NRXN3: variants seen among roughly 807,000 people sequenced by gnomAD.
The protein encoded by NRXN3 is neurexin 3, also known as neurexin III.
NRXN3 carries 32 observed loss-of-function variants against 137.6 expected under a neutral mutation model. That is an observed-to-expected ratio of 0.23 (90% confidence interval 0.18 to 0.31). NRXN3 has a LOEUF of 0.31. Ranked by LOEUF, NRXN3 falls within the 10% of genes least tolerant of loss-of-function variation. The pLI, the probability that NRXN3 is intolerant of heterozygous loss-of-function variation, is 1.00. For synonymous variants in NRXN3, 798 were observed against 784.5 expected (o/e 1.02, Z -0.29); for missense variants, 1,574 against 2,062.5 (o/e 0.76, Z 4.59).
intron 16 of NRXN3, among the ~76,000 whole-genome samples, chr14:79,577,127 T>C (rs2097672518): frequency 1.3e-5 from 2 of 152,302 alleles, no homozygotes; most frequent in East Asian, 3.9e-4. Flanking sequence ...CTATCTTGCC[T>C]GCTGCCATGA....
chr14:78,924,687 G>A (rs999013048), intron 10 of NRXN3, among the ~76,000 whole-genome samples: 12 of 152,116 alleles, frequency 7.9e-5, no homozygotes, highest in African/African-American at 2.4e-4. Flanking sequence ...AAGTAAAGCA[G>A]TAAAATACGT....
At chr14:79,716,675 G>A (rs960518095) in intron 19 of NRXN3, among the ~76,000 whole-genome samples, 1 of 152,072 alleles carries the variant, frequency 6.6e-6, no homozygotes, top group South Asian at 2.1e-4. Context: ...TGAACCAGAA[G>A]CTGGAGATAA....
At chr14:79,517,299 A>T (rs2097001578) in intron 16 of NRXN3, among the ~76,000 whole-genome samples, 1 of 152,066 alleles carries the variant, frequency 6.6e-6, no homozygotes, top group Non-Finnish European at 1.5e-5. Context: ...TTCTATTGAT[A>T]TTTTTTGACC....
intron 4 of NRXN3, among the ~76,000 whole-genome samples, chr14:78,444,180 T>C (rs576280867): frequency 6.6e-6 from 1 of 152,348 alleles, no homozygotes; most frequent in South Asian, 2.1e-4. Flanking sequence ...ATATAAGCCA[T>C]GTCCTTCCCT....
intron 2 of NRXN3, among the ~76,000 whole-genome samples, chr14:78,256,133 G>T (rs2069546959): frequency 6.6e-6 from 1 of 152,044 alleles, no homozygotes; most frequent in African/African-American, 2.4e-5. Context: ...ATTATAGGCA[G>T]TAGCCAGCCT....
intron 19 of NRXN3, among the ~76,000 whole-genome samples, chr14:79,802,078 G>C (rs942664840): frequency 4.0e-5 from 6 of 151,214 alleles, no homozygotes; most frequent in Admixed American, 6.6e-5. Context: ...TCTTCTTTTG[G>C]CCCATGCAAA....
intron 4 of NRXN3, among the ~76,000 whole-genome samples, chr14:78,406,222 G>T (rs117527407): frequency 0.014 from 2,167 of 152,326 alleles, 28 homozygotes; most frequent in South Asian, 0.031. Flanking sequence ...AAACAGCAAG[G>T]GGGTGGTTAT....
intron 15 of NRXN3, among the ~76,000 whole-genome samples, chr14:79,097,013 AT>A (rs75520562): frequency 0.015 from 2,210 of 143,186 alleles, 28 homozygotes; most frequent in African/African-American, 0.04. Context: ...GGCCAAAATG[AT>A]TTTTTTTTTT....
At chr14:78,456,801 C>CTTTCTTTCTTTA (rs1484889865) in intron 4 of NRXN3, among the ~76,000 whole-genome samples, 3 of 84,182 alleles carry the variant, frequency 3.6e-5, no homozygotes, top group South Asian at 4.5e-4. Context: ...CTCTTTCTCT[C>CTTTCTTTCTTTA]TTTCTTTCTT....
chr14:79,658,964 C>G (rs1307254188), intron 16 of NRXN3, among the ~76,000 whole-genome samples: 1 of 152,172 alleles, frequency 6.6e-6, no homozygotes, highest in African/African-American at 2.4e-5. Flanking sequence ...TCAGTGACAT[C>G]TTTATTCCTG....
At chr14:79,109,075 C>A (rs2053000664) in intron 15 of NRXN3, among the ~76,000 whole-genome samples, 2 of 152,214 alleles carry the variant, frequency 1.3e-5, no homozygotes, top group South Asian at 4.2e-4. Flanking sequence ...AGACGTTATT[C>A]TTTTAAGTAA....
intron 4 of NRXN3, among the ~76,000 whole-genome samples, chr14:78,437,968 G>A (rs1448844614): frequency 1.3e-5 from 2 of 152,118 alleles, no homozygotes; most frequent in East Asian, 1.9e-4. Context: ...GATCTTTCTG[G>A]TGGCTGGTGT....
At chr14:78,745,759 G>C (rs981118769) in intron 8 of NRXN3, among the ~76,000 whole-genome samples, 4 of 152,116 alleles carry the variant, frequency 2.6e-5, no homozygotes, top group African/African-American at 9.7e-5. Flanking sequence ...CATCTCAATA[G>C]TTGATCCTCT....
intron 15 of NRXN3, among the ~76,000 whole-genome samples, chr14:79,241,966 C>T (rs2074375534): frequency 6.6e-6 from 1 of 151,898 alleles, no homozygotes. Flanking sequence ...ATTCGGGAGG[C>T]TGAGGCAGGA....
chr14:78,583,240 T>C (rs2152371471), intron 4 of NRXN3, among the ~76,000 whole-genome samples: 1 of 152,262 alleles, frequency 6.6e-6, no homozygotes, highest in East Asian at 1.9e-4. Context: ...GACTTTTTCT[T>C]CCTAAATTTT....
In NRXN3 at chr14:79,582,025, C is replaced by G. The variant is rs780777626; in HGVS notation, c.3445-81753C>G. On this transcript the variant is annotated intron_variant, in intron 16 of 20. Coordinates refer to ENST00000335750, the MANE Select transcript of NRXN3 (RefSeq NM_001330195.2). ...TCAATCAGCCTTGGCCTCCCAGGCT[C>G]GTGATTCACCTGCCTCAGCCTTCCC... is the stretch of plus-strand genomic sequence containing the variant. 2.6e-5 allele frequency among the ~76,000 whole-genome samples: 4 copies of G among 152,246 alleles called. No homozygotes were observed. In the South Asian group the frequency reaches 6.2e-4, roughly 24 times the overall value.
chr14:79,378,727 G>A (rs1387539981), intron 15 of NRXN3, among the ~76,000 whole-genome samples: 1 of 152,042 alleles, frequency 6.6e-6, no homozygotes, highest in Non-Finnish European at 1.5e-5. Context: ...ACCTTAATAA[G>A]CATTTAATCA....
chr14:79,036,592 GGTTTTT>G (rs1383012067), intron 15 of NRXN3, among the ~76,000 whole-genome samples: 1 of 105,214 alleles, frequency 9.5e-6, no homozygotes, highest in South Asian at 3.3e-4. Context: ...TTTCGTTTTG[GGTTTTT>G]TTTTTTTTTT....
rs1376424324 is a variant in NRXN3, at chr14:79,332,275, AAC to A, written c.3263-134945_3263-134944del. On this transcript the variant is annotated intron_variant, in intron 15 of 20. Coordinates refer to ENST00000335750, the MANE Select transcript of NRXN3 (RefSeq NM_001330195.2). ...GCCTCTTCTGTAATGAAAGGCTTCT[AAC>A]TGGTTTGCCTGCCTTTGATTTTAGC... 4.6e-5 allele frequency among the ~76,000 whole-genome samples: 7 copies of A among 152,184 alleles called. No individual in the cohort carries two copies. The East Asian group carries it at 9.6e-4, about 21-fold the overall frequency.
Sources: gnomAD v4.1 joint callset for allele counts (sites outside exome capture counted in the v4.1 genomes callset) on GRCh38, gnomAD v4.1.1 for gene constraint, MANE v1.5 for transcripts, NCBI Gene and HGNC (gene_info 2026-07-23, HGNC 2026-07-21) for gene names.